TRPC3: variants seen among roughly 807,000 people sequenced by gnomAD.
The protein encoded by TRPC3 is short transient receptor potential channel 3.
In TRPC3, 54 loss-of-function variants were observed where a neutral mutation model predicts 90.9. That is an observed-to-expected ratio of 0.59 (90% CI 0.48 to 0.75). TRPC3 has a LOEUF of 0.75. Among genes scored for constraint, TRPC3 ranks in the 30% least tolerant of loss-of-function variants. The pLI is 0.00. For missense variants in TRPC3, 918 were observed against 1,194.5 expected, an observed-to-expected ratio of 0.77 and a Z score of 3.41; for synonymous variants, 424 against 450.9, an observed-to-expected ratio of 0.94 and a Z score of 0.75.
chr4:121,901,926 C>CA (rs1364071497), intron 9 of TRPC3, among the ~76,000 whole-genome samples: 2 of 151,730 alleles, frequency 1.3e-5, no homozygotes, highest in South Asian at 2.1e-4. Flanking sequence ...CCAGGTCAAA[C>CA]AAAAAAAGAT....
Position 121,879,746 on chromosome 4 carries a change from C to T in TRPC3, c.2756G>A (p.Arg919Lys). 6.2e-7 allele frequency: 1 copy of T among 1,610,434 alleles called. No homozygotes were observed. Among genetic ancestry groups the T allele is most frequent in the Non-Finnish European group, 8.5e-7 (1 of 1,178,778 alleles). Residue 919 changes from arginine to lysine, a missense_variant, in exon 12 of 12, where the codon AGA (arginine) becomes AAA (lysine). Physicochemically the swap from Arg to Lys is conservative, Grantham distance 26 (BLOSUM62 2). Around this residue, in one of 4 missense-constraint regions of TRPC3, gnomAD observed 41 missense variants for 69.4 expected, o/e 0.59. Coordinates refer to ENST00000379645, the MANE Select transcript of TRPC3 (RefSeq NM_001130698.2). Reference protein sequence around the residue: ...LSEKLNPSMLRCE With the variant: ...LSEKLNPSMLKCE ...ATCCAGGTTGCTGCATCATTCACAT[C>T]TCAGCATGCTGGGATTCAGTTTCTC...
At chr4:121,917,152 C>G (rs1729348375) in intron 3 of TRPC3, among the ~76,000 whole-genome samples, 1 of 152,178 alleles carries the variant, frequency 6.6e-6, no homozygotes, top group South Asian at 2.1e-4. Context: ...TTTTCAGTAG[C>G]TGCTAGTTGC....
intron 3 of TRPC3, among the ~76,000 whole-genome samples, chr4:121,916,721 T>G (rs1374570818): frequency 6.6e-6 from 1 of 151,850 alleles, no homozygotes; most frequent in Non-Finnish European, 1.5e-5. Flanking sequence ...AGAAATAATT[T>G]TTTTTTTTTG....
chr4:121,947,266 T>C (rs114109367), intron 1 of TRPC3, among the ~76,000 whole-genome samples: 382 of 150,848 alleles, frequency 2.5e-3, no homozygotes, highest in African/African-American at 8.9e-3. Flanking sequence ...AATTAAACTA[T>C]AACTGTAAAG....
intron 4 of TRPC3, among the ~76,000 whole-genome samples, chr4:121,913,383 T>A (rs1729178422): frequency 6.6e-6 from 1 of 152,214 alleles, no homozygotes; most frequent in East Asian, 1.9e-4. Flanking sequence ...GTTGCCTTTT[T>A]CCATAAGATA....
At chr4:121,900,334 C>T (rs1009900256) in intron 9 of TRPC3, among the ~76,000 whole-genome samples, 4 of 152,140 alleles carry the variant, frequency 2.6e-5, no homozygotes, top group African/African-American at 9.7e-5. Flanking sequence ...TTCATGTATA[C>T]GAGCAGGGCC....
Position 121,932,662 on chromosome 4 carries a change from C to T in TRPC3, c.596G>A (p.Gly199Asp). The change falls in exon 2 of 12, where the codon GGC (glycine) becomes GAC (aspartate). Residue 199 changes from glycine to aspartate, a missense_variant. By Grantham distance (94) the Gly-to-Asp change is moderately conservative. Transcript: ENST00000379645. The surrounding 1 kb of genome is among the most constrained non-coding windows in gnomAD (Gnocchi z 7.7). ...AGTGAGACGCTTGCTGGCCGCGAAG[C>T]CAGGGTGGTTGAGGATGGCCTCTAC... The part of the protein sequence containing the change: ...RIVEAILNHP[G>D]FAASKRLTLS... 1 of 1,612,758 alleles carries T rather than the reference C, an allele frequency of 6.2e-7. No individual in the cohort carries two copies. Among genetic ancestry groups the T allele is most frequent in the Non-Finnish European group, 8.5e-7 (1 of 1,179,002 alleles).
At position 121,878,136 on chromosome 4, in the gene TRPC3, A is replaced by G. The variant is rs1351612034; in HGVS notation, c.*1600T>C. Among the ~76,000 whole-genome samples the G allele has an allele frequency of 6.6e-6, 1 of 152,242 alleles. No homozygotes were observed. The highest frequency in any genetic ancestry group is 1.5e-5 in the Non-Finnish European group (1 of 68,046). On this transcript the variant is annotated 3_prime_UTR_variant, in exon 12 of 12. Coordinates refer to ENST00000379645, the MANE Select transcript of TRPC3 (RefSeq NM_001130698.2). Reference sequence around the variant, plus strand: ...TTCTGAGACACAACATAAAGTACATAAAGTTTGAAAAATGTTTAAGACGAA... The same window carrying G: ...TTCTGAGACACAACATAAAGTACATGAAGTTTGAAAAATGTTTAAGACGAA...
chr4:121,889,067 G>A (rs765577469), intron 10 of TRPC3, among the ~76,000 whole-genome samples: 1 of 152,166 alleles, frequency 6.6e-6, no homozygotes, highest in Non-Finnish European at 1.5e-5. Context: ...TCTCTTCAAT[G>A]AATGGTGCTG....
chr4:121,932,591 A>G lies in TRPC3; in HGVS notation c.667T>C (p.Tyr223His). ...GAGAAGCGCGTGCCGTCCTCGTCGT[A>G]AGCGTAGAAGTCGTCGTCCTGCAGC... ...QELQDDDFYAYDEDGTRFSPD... is the reference protein window; with the variant it reads ...QELQDDDFYAHDEDGTRFSPD... The change falls in exon 2 of 12, where the codon TAC (tyrosine) becomes CAC (histidine). Residue 223 changes from tyrosine to histidine, a missense_variant. This residue lies in a region of TRPC3 where 609 missense variants were observed against 725.9 expected (regional missense o/e 0.84). Transcript: ENST00000379645. This position sits in a 1 kb window ranked among gnomAD's most constrained non-coding sequence, Gnocchi z 7.7. 6.2e-7 allele frequency: 1 copy of G among 1,614,102 alleles called. No homozygotes were observed. The highest frequency in any genetic ancestry group is 1.1e-5 in the South Asian group (1 of 91,082).
At chr4:121,886,652 TG>T (rs1353506502) in intron 10 of TRPC3, among the ~76,000 whole-genome samples, 1 of 152,212 alleles carries the variant, frequency 6.6e-6, no homozygotes, top group Non-Finnish European at 1.5e-5. Context: ...AGAATAAATT[TG>T]TTTTTTATTC....
In TRPC3 at chr4:121,911,919, G is replaced by C. The variant is rs138552308; in HGVS notation, c.1516C>G (p.Gln506Glu). The change falls in exon 5 of 12, where the codon CAG becomes GAG. Residue 506 changes from glutamine (Q) to glutamate (E), a missense_variant. Coordinates refer to ENST00000379645, the MANE Select transcript of TRPC3 (RefSeq NM_001130698.2). Reference sequence around the variant, plus strand: ...ATTAGCATTTCAGTCCATGTAAACTGGGTGGTTTTCACCCTGAAGATCTGT... The same window carrying C: ...ATTAGCATTTCAGTCCATGTAAACTCGGTGGTTTTCACCCTGAAGATCTGT... ...PKQIFRVKTT[Q>E]FTWTEMLIMV... is the part of the protein sequence containing the mutation. The C allele has an allele frequency of 6.2e-7, 1 of 1,613,746 alleles. No homozygotes were observed. Among genetic ancestry groups the C allele is most frequent in the Non-Finnish European group, 8.5e-7 (1 of 1,179,758 alleles).
chr4:121,882,186 T>C (rs958730058), intron 11 of TRPC3, among the ~76,000 whole-genome samples, 168 bp downstream of exon 11: 3 of 152,150 alleles, frequency 2.0e-5, no homozygotes, highest in Non-Finnish European at 4.4e-5. Flanking sequence ...AATAACTGTT[T>C]ATTTTAAAAG....
At position 121,932,454 on chromosome 4, in the gene TRPC3, C is replaced by T. The variant is rs61742537; in HGVS notation, c.804G>A (p.Lys268=). 1,732 of 1,614,222 alleles carry T rather than the reference C, an allele frequency of 1.1e-3. 17 individuals are homozygous for T. The African/African-American group carries it at 0.02, about 19-fold the overall frequency. The change falls in exon 2 of 12, where the codon AAG becomes AAA. Residue 268 remains lysine, a synonymous_variant. Transcript: ENST00000379645. The surrounding 1 kb of genome is among the most constrained non-coding windows in gnomAD (Gnocchi z 7.7). The part of the protein sequence containing the change: ...RIERPHDYFC[K]CGDCMEKQRH... Reference sequence around the variant, plus strand: ...TCTGCTTCTCCATGCAGTCCCCGCACTTGCAGAAATAGTCGTGCGGCCGCT... The same window carrying T: ...TCTGCTTCTCCATGCAGTCCCCGCATTTGCAGAAATAGTCGTGCGGCCGCT...
chr4:121,940,742 GTCTA>G (rs1451280452), intron 1 of TRPC3, among the ~76,000 whole-genome samples: 14 of 152,142 alleles, frequency 9.2e-5, no homozygotes, highest in African/African-American at 3.4e-4. Flanking sequence ...AATATAGGTA[GTCTA>G]CTCATAAATA....
chr4:121,893,860 A>C (rs1347143429), intron 10 of TRPC3, among the ~76,000 whole-genome samples: 1 of 152,168 alleles, frequency 6.6e-6, no homozygotes, highest in African/African-American at 2.4e-5. Flanking sequence ...CATAAAAAGG[A>C]AGGTAAAACT....
chr4:121,947,946 G>A (rs1245662452), intron 1 of TRPC3, among the ~76,000 whole-genome samples: 2 of 152,134 alleles, frequency 1.3e-5, no homozygotes, highest in African/African-American at 2.4e-5. Flanking sequence ...TGAAGAGTGT[G>A]CATCGATGTT....
rs1319724374 is a variant in TRPC3, at chr4:121,875,390, T to A, written c.*4346A>T. 5.2e-5 allele frequency among the ~76,000 whole-genome samples: 8 copies of A among 152,390 alleles called. No individual in the cohort carries two copies. The highest frequency in any genetic ancestry group is 1.9e-4 in the African/African-American group (8 of 41,594). ...TTTTTAAAGTACATACTATGTTTTG[T>A]TTCTAAATGATTAGTAAAGATTTCA... On this transcript the variant is annotated 3_prime_UTR_variant, in exon 12 of 12. Transcript: ENST00000379645.
intron 3 of TRPC3, among the ~76,000 whole-genome samples, chr4:121,922,946 T>A (rs867167585): frequency 6.6e-6 from 1 of 152,186 alleles, no homozygotes; most frequent in East Asian, 1.9e-4. Flanking sequence ...CATTTGACTA[T>A]CTTATGAAGT....
Sources: gnomAD v4.1 joint callset for allele counts (sites outside exome capture counted in the v4.1 genomes callset) on GRCh38, gnomAD v4.1.1 for gene constraint, gnomAD v4.1.1 regional missense constraint, Gnocchi (gnomAD v3.1) non-coding constraint, MANE v1.5 for transcripts, NCBI Gene and HGNC (gene_info 2026-07-23, HGNC 2026-07-21) for gene names.